TLX1: variants seen among roughly 807,000 people sequenced by gnomAD.
TLX1 encodes T-cell leukemia homeobox protein 1.
A neutral mutation model predicts 26.5 loss-of-function variants in TLX1; 6 were observed. The ratio of observed to expected loss-of-function variants is 0.23; its 90% CI spans 0.12 to 0.45. The LOEUF (loss-of-function observed/expected upper bound fraction) is 0.45. Ranked by LOEUF, TLX1 falls within the 20% of genes least tolerant of loss-of-function variation. TLX1 has a pLI of 0.99. For missense variants in TLX1, 418 were observed against 482.6 expected (o/e 0.87, Z 1.25); for synonymous variants, 217 against 219.7 (o/e 0.99, Z 0.11).
At position 101,132,512 on chromosome 10, in the gene TLX1, GC is replaced by G. The variant is rs1048916934; in HGVS notation, c.568+407del. Among the ~76,000 whole-genome samples, 51 of 152,296 alleles carry G rather than the reference GC, an allele frequency of 3.3e-4. No homozygotes were observed. The highest frequency in any genetic ancestry group is 1.2e-3 in the African/African-American group (49 of 41,568). The stretch of plus-strand genomic sequence containing the variant: ...TGCTGTTCTAGGACCCAGGAAGCGA[GC>G]CCCAGGATCAGACACAAGAAAAGAA... On this transcript the variant is annotated intron_variant, in intron 1 of 2. Transcript: ENST00000370196. This position sits in a 1 kb window ranked among gnomAD's most constrained non-coding sequence, Gnocchi z 4.1.
intron 1 of TLX1, among the ~76,000 whole-genome samples, chr10:101,133,473 C>T (rs1486512660): frequency 1.3e-5 from 2 of 152,338 alleles, no homozygotes; most frequent in South Asian, 4.1e-4. Context: ...GTGCCCATCC[C>T]ATTCCCCACC....
chr10:101,137,213 G>A lies in TLX1; in HGVS notation c.*300G>A, dbSNP rs1356919758. ...ATTTTTAACGTGGGATTCAGAGAAA[G>A]GCAAGGGAGGTAAGGGAGGAGGAGC... On this transcript the variant is annotated 3_prime_UTR_variant, in exon 3 of 3. Transcript: ENST00000370196. 6 of 417,998 alleles carry A rather than the reference G, an allele frequency of 1.4e-5. No individual in the cohort carries two copies. The highest frequency in any genetic ancestry group is 2.6e-5 in the Non-Finnish European group (6 of 232,114). The allele number at this position is 417,998 out of a possible 1,614,324, so 25.9% of individuals were successfully genotyped here. A position where few individuals can be genotyped will look rare whatever the true frequency, so the allele number is the denominator to read the frequency against.
Position 101,136,897 on chromosome 10 carries a change from C to T in TLX1, c.977C>T (p.Ala326Val). 1.2e-6 allele frequency: 2 copies of T among 1,613,594 alleles called. No individual in the cohort carries two copies. The highest frequency in any genetic ancestry group is 1.7e-6 in the Non-Finnish European group (2 of 1,179,986). ...STKITSVTSV[A>V]SACE is the part of the protein sequence containing the mutation. ...AAAATCACTAGCGTCACGTCGGTGG[C>T]GTCGGCCTGCGAGTGAGCCTGCCCA... Residue 326 changes from alanine to valine, a missense_variant, in exon 3 of 3, where the codon GCG becomes GTG. This residue lies in a region of TLX1 where 78 missense variants were observed against 92.2 expected (regional missense o/e 0.85). Transcript: ENST00000370196.
In TLX1 at chr10:101,137,193, T is replaced by G. The variant is rs1940315754; in HGVS notation, c.*280T>G. 1 of 445,806 alleles carries G rather than the reference T, an allele frequency of 2.2e-6. No individual in the cohort carries two copies. Among genetic ancestry groups the G allele is most frequent in the African/African-American group, 1.9e-5 (1 of 51,416 alleles). The allele number at this position is 445,806 out of a possible 1,614,324, so 27.6% of individuals were successfully genotyped here. A position where few individuals can be genotyped will look rare whatever the true frequency, so the allele number is the denominator to read the frequency against. Reference sequence around the variant, plus strand: ...GTTTATTTCATTTTATTTTAATTTTTAACGTGGGATTCAGAGAAAGGCAAG... The same window carrying G: ...GTTTATTTCATTTTATTTTAATTTTGAACGTGGGATTCAGAGAAAGGCAAG... On this transcript the variant is annotated 3_prime_UTR_variant, in exon 3 of 3. Transcript: ENST00000370196.
intron 2 of TLX1, 124 bp downstream of exon 2, chr10:101,134,500 C>A: frequency 1.8e-6 from 2 of 1,120,646 alleles, no homozygotes; most frequent in Non-Finnish European, 2.5e-6. Flanking sequence ...TTCGGAGGAG[C>A]GAGCTCCCGC....
In TLX1 at chr10:101,131,847, C is replaced by A; in HGVS notation, c.306C>A (p.Asn102Lys). ...CSMGPLTGSY[N>K]VNMALAGGPG... is the part of the protein sequence containing the mutation. The stretch of plus-strand genomic sequence containing the variant: ...TGGGTCCTCTGACCGGCTCCTACAA[C>A]GTGAACATGGCCTTGGCAGGCGGCC... Residue 102 changes from asparagine (N) to lysine (K), a missense_variant, in exon 1 of 3, where the codon AAC becomes AAA. Asn to Lys is a moderately conservative substitution (Grantham distance 94). Around this residue, in one of 3 missense-constraint regions of TLX1, gnomAD observed 322 missense variants for 344.6 expected, o/e 0.93. Transcript: ENST00000370196. 7.1e-7 allele frequency: 1 copy of A among 1,411,960 alleles called. No homozygotes were observed. The highest frequency in any genetic ancestry group is 9.2e-7 in the Non-Finnish European group (1 of 1,090,956). 87.5% of individuals were successfully genotyped at this position (1,411,960 alleles called of 1,614,324 possible). A position where few individuals can be genotyped will look rare whatever the true frequency, so the allele number is the denominator to read the frequency against.
rs750812021 is a variant in TLX1, at chr10:101,134,267, C to T, written c.661C>T (p.His221Tyr). The T allele has an allele frequency of 1.9e-6, 3 of 1,612,312 alleles. No homozygotes were observed. Among genetic ancestry groups the T allele is most frequent in the Non-Finnish European group, 2.5e-6 (3 of 1,179,440 alleles). ...GATCTGCGAGCTGGAGAAGCGCTTC[C>T]ACCGCCAGAAGTACCTGGCCTCGGC... ...LQICELEKRFHRQKYLASAER... is the reference protein window; with the variant it reads ...LQICELEKRFYRQKYLASAER... Residue 221 changes from histidine to tyrosine, a missense_variant, in exon 2 of 3, where the codon CAC becomes TAC. Around this residue, in one of 3 missense-constraint regions of TLX1, gnomAD observed 322 missense variants for 344.6 expected, o/e 0.93. Coordinates refer to ENST00000370196, the MANE Select transcript of TLX1 (RefSeq NM_005521.4).
chr10:101,131,310 A>C lies in TLX1; in HGVS notation c.-232A>C. ...TTTCGCCTGGTGATTGATGTCCCAG[A>C]GTCAACAGCGAGCGAGCAGCCGGAG... is the stretch of plus-strand genomic sequence containing the variant. On this transcript the variant is annotated 5_prime_UTR_variant, in exon 1 of 3. Coordinates refer to ENST00000370196, the MANE Select transcript of TLX1 (RefSeq NM_005521.4). 1 of 416,412 alleles carries C rather than the reference A, an allele frequency of 2.4e-6. No homozygotes were observed. Among genetic ancestry groups the C allele is most frequent in the Non-Finnish European group, 4.2e-6 (1 of 239,216 alleles). 25.8% of individuals were successfully genotyped at this position (416,412 alleles called of 1,614,324 possible). A position where few individuals can be genotyped will look rare whatever the true frequency, so the allele number is the denominator to read the frequency against.
At chr10:101,136,660 C>T in intron 2 of TLX1, 31 bp from the exon 3 acceptor site, 2 of 1,612,824 alleles carry the variant, frequency 1.2e-6, no homozygotes, top group Non-Finnish European at 1.7e-6. Context: ...GGTCGGTGCT[C>T]CTGGCAGGTA....
intron 1 of TLX1, 105 bp from the exon 2 acceptor site, chr10:101,134,070 G>C: frequency 9.3e-7 from 1 of 1,073,696 alleles, no homozygotes; most frequent in South Asian, 1.5e-5. Context: ...GACTCGCGGG[G>C]TGTTGGGCCT....
At chr10:101,134,992 T>C (rs1014201584) in intron 2 of TLX1, among the ~76,000 whole-genome samples, 1 of 152,136 alleles carries the variant, frequency 6.6e-6, no homozygotes, top group Non-Finnish European at 1.5e-5. Flanking sequence ...AGCAGATGGG[T>C]GTGTGTGAGA....
In TLX1 at chr10:101,137,300, C is replaced by T. The variant is rs1051723; in HGVS notation, c.*387C>T. 75,002 of 320,940 alleles carry T rather than the reference C, an allele frequency of 0.23. 10,057 individuals are homozygous for T. The highest frequency in any genetic ancestry group is 0.29 in the Non-Finnish European group (49,842 of 171,356). The allele number at this position is 320,940 out of a possible 1,614,324, so 19.9% of individuals were successfully genotyped here. A position where few individuals can be genotyped will look rare whatever the true frequency, so the allele number is the denominator to read the frequency against. On this transcript the variant is annotated 3_prime_UTR_variant, in exon 3 of 3. Transcript: ENST00000370196. ...TGGGAAACCCCTTCTCTGTGACCCA[C>T]TTCTCATCACACACATGGAAACCCA...
chr10:101,132,049 A>G lies in TLX1; in HGVS notation c.508A>G (p.Thr170Ala). ...TGCCATGCCGGGCGTCAACAACCTC[A>G]CTGGCCTCACCTTCCCCTGGATGGA... is the stretch of plus-strand genomic sequence containing the variant. ...VPAMPGVNNL[T>A]GLTFPWMESN... is the part of the protein sequence containing the mutation. Residue 170 changes from threonine to alanine, a missense_variant, in exon 1 of 3, where the codon ACT becomes GCT. Transcript: ENST00000370196. This position sits in a 1 kb window ranked among gnomAD's most constrained non-coding sequence, Gnocchi z 4.1. 6.6e-7 allele frequency: 1 copy of G among 1,504,990 alleles called. No individual in the cohort carries two copies. The highest frequency in any genetic ancestry group is 8.8e-7 in the Non-Finnish European group (1 of 1,134,002). 93.2% of individuals were successfully genotyped at this position (1,504,990 alleles called of 1,614,324 possible).
intron 2 of TLX1, 62 bp downstream of exon 2, chr10:101,134,438 A>G: frequency 1.4e-6 from 2 of 1,444,006 alleles, no homozygotes; most frequent in Non-Finnish European, 1.8e-6. Context: ...CTCTCGGTTC[A>G]TTGGCCTCTC....
intron 1 of TLX1, 44 bp from the exon 2 acceptor site, chr10:101,134,131 C>T (rs757915676): frequency 3.9e-6 from 6 of 1,531,398 alleles, no homozygotes; most frequent in African/African-American, 2.8e-5. Context: ...GTCTGTCTCC[C>T]GCTCCAGTGG....
rs759349675 is a variant in TLX1 at position 101,136,862 on chromosome 10, C to G, written c.942C>G (p.Asp314Glu). The G allele has an allele frequency of 3.7e-6, 6 of 1,613,238 alleles. No homozygotes were observed. The highest frequency in any genetic ancestry group is 5.1e-6 in the Non-Finnish European group (6 of 1,180,032). ...FALQNLQPWS[D>E]DSTKITSVTS... ...TGCAGAATCTGCAGCCGTGGTCTGA[C>G]GACTCGACCAAAATCACTAGCGTCA... The change falls in exon 3 of 3, where the codon GAC (aspartate) becomes GAG (glutamate). Residue 314 changes from aspartate (D) to glutamate (E), a missense_variant. Asp to Glu is a conservative substitution (Grantham distance 45). This residue lies in a region of TLX1 where 78 missense variants were observed against 92.2 expected (regional missense o/e 0.85). Coordinates refer to ENST00000370196, the MANE Select transcript of TLX1 (RefSeq NM_005521.4).
chr10:101,135,409 A>G (rs1339038327), intron 2 of TLX1: 1 of 154,458 alleles, frequency 6.5e-6, no homozygotes, highest in African/African-American at 2.4e-5. Context: ...CCATGGCCCC[A>G]CGATTCTACC....
In TLX1 at chr10:101,137,330, C is replaced by T. The variant is rs2742038; in HGVS notation, c.*417C>T. 49,339 of 297,858 alleles carry T rather than the reference C, an allele frequency of 0.17. 4,353 individuals carry two copies. Among genetic ancestry groups the T allele is most frequent in the South Asian group, 0.28 (3,843 of 13,512 alleles). 18.5% of individuals were successfully genotyped at this position (297,858 alleles called of 1,614,324 possible). On this transcript the variant is annotated 3_prime_UTR_variant, in exon 3 of 3. Coordinates refer to ENST00000370196, the MANE Select transcript of TLX1 (RefSeq NM_005521.4). ...CATCACACACATGGAAACCCATAGG[C>T]CCACACACAGGTGGTGTCACTGTCC...
Position 101,137,091 on chromosome 10 carries a change from A to G in TLX1, c.*178A>G. 1.2e-6 allele frequency: 1 copy of G among 809,648 alleles called. No individual in the cohort carries two copies. The highest frequency in any genetic ancestry group is 2.7e-5 in the East Asian group (1 of 37,146). 50.2% of individuals were successfully genotyped at this position (809,648 alleles called of 1,614,324 possible). A position where few individuals can be genotyped will look rare whatever the true frequency, so the allele number is the denominator to read the frequency against. On this transcript the variant is annotated 3_prime_UTR_variant, in exon 3 of 3. Transcript: ENST00000370196. Reference sequence around the variant, plus strand: ...GACACTGTTCTCCCTTCGGTGGAAGAGCTCAAGGGACAAGGACACGCGCCC... The same window carrying G: ...GACACTGTTCTCCCTTCGGTGGAAGGGCTCAAGGGACAAGGACACGCGCCC...
Sources: gnomAD v4.1 joint callset for allele counts (sites outside exome capture counted in the v4.1 genomes callset) on GRCh38, gnomAD v4.1.1 for gene constraint, gnomAD v4.1.1 regional missense constraint, Gnocchi (gnomAD v3.1) non-coding constraint, MANE v1.5 for transcripts, NCBI Gene and HGNC (gene_info 2026-07-23, HGNC 2026-07-21) for gene names.